Variants in RTL4 observed in about 807,000 individuals in gnomAD.
RTL4 encodes the protein retrotransposon Gag like 4.
Under a neutral mutation model 5.3 loss-of-function variants are expected in RTL4, and 4 were observed. The ratio of observed to expected loss-of-function variants is 0.75; its 90% CI spans 0.37 to 1.72. The LOEUF is 1.72. RTL4 is among the 40% of genes most tolerant of loss of function. The probability of loss-of-function intolerance (pLI) is 0.04; values close to 1 mark genes in which losing one functional copy is unlikely to be tolerated. For missense variants in RTL4, 260 were observed against 227.1 expected (o/e 1.14, Z -0.93); for synonymous variants, 98 against 87.3 (o/e 1.12, Z -0.68).
the RTL4 span, among the ~76,000 whole-genome samples, chrX:112,316,105 C>T: frequency 6.4e-4 from 72 of 111,788 alleles, no homozygotes; most frequent in Non-Finnish European, 1.3e-3. Context: ...TCCAACCCTC[C>T]GCATTATCCA....
the RTL4 span, among the ~76,000 whole-genome samples, chrX:112,443,391 C>T: frequency 2.7e-5 from 3 of 111,749 alleles, no homozygotes; most frequent in African/African-American, 6.5e-5. Context: ...CTACAACAAA[C>T]ATGGGAGTGC....
the RTL4 span, among the ~76,000 whole-genome samples, chrX:112,255,172 T>A: frequency 8.9e-6 from 1 of 112,018 alleles, no homozygotes; most frequent in Non-Finnish European, 1.9e-5. Flanking sequence ...TGATACATAT[T>A]TGAGTAATTT....
upstream of RTL4, among the ~76,000 whole-genome samples, chrX:112,454,128 G>A (rs1220212766): frequency 9.0e-6 from 1 of 111,731 alleles, no homozygotes; most frequent in African/African-American, 3.3e-5. Flanking sequence ...TTTAGAACAG[G>A]GATGTCTAAT....
At chrX:112,363,902 T>C in the RTL4 span, among the ~76,000 whole-genome samples, 1 of 111,023 alleles carries the variant, frequency 9.0e-6, no homozygotes, top group African/African-American at 3.3e-5. Flanking sequence ...GGGAGATTTT[T>C]GGAGGGATGG....
the RTL4 span, among the ~76,000 whole-genome samples, chrX:112,170,018 C>A: frequency 8.9e-6 from 1 of 112,161 alleles, no homozygotes; most frequent in East Asian, 2.8e-4. Context: ...AATAGAGAAT[C>A]CTTTCCCCAT....
chrX:112,214,778 TTTTG>T, the RTL4 span, among the ~76,000 whole-genome samples: 1 of 111,614 alleles, frequency 9.0e-6, no homozygotes, highest in East Asian at 2.8e-4. Flanking sequence ...TTAGTGTTTT[TTTTG>T]TTTGTTTGTT....
chrX:112,239,195 G>T, the RTL4 span, among the ~76,000 whole-genome samples: 11 of 111,456 alleles, frequency 9.9e-5, no homozygotes, highest in East Asian at 2.6e-3. Context: ...ATGTTGGCAG[G>T]GCTGAGCAAG....
At chrX:112,139,461 A>C in the RTL4 span, among the ~76,000 whole-genome samples, 1 of 112,032 alleles carries the variant, frequency 8.9e-6, no homozygotes, top group African/African-American at 3.2e-5. Context: ...TGGAAGATAC[A>C]CTTTGAGGTT....
chrX:112,317,015 T>G, the RTL4 span, among the ~76,000 whole-genome samples: 407 of 112,095 alleles, frequency 3.6e-3, 2 homozygotes, highest in African/African-American at 0.012. Context: ...TTGCACCAAA[T>G]AAAGGTCATT....
At chrX:112,387,975 G>A in the RTL4 span, among the ~76,000 whole-genome samples, 7 of 112,231 alleles carry the variant, frequency 6.2e-5, no homozygotes, top group African/African-American at 2.3e-4. Flanking sequence ...TTAGTAGTTT[G>A]ATAGAAGAGC....
chrX:112,356,364 C>A, the RTL4 span, among the ~76,000 whole-genome samples: 1 of 111,370 alleles, frequency 9.0e-6, no homozygotes, highest in Non-Finnish European at 1.9e-5. Context: ...GCACTTTCCT[C>A]ATCCTTTGCC....
chrX:112,235,012 A>G, the RTL4 span, among the ~76,000 whole-genome samples: 1 of 111,271 alleles, frequency 9.0e-6, no homozygotes, highest in African/African-American at 3.3e-5. Context: ...TTAAGAGCTT[A>G]TGATTCAGAC....
At chrX:112,418,934 T>C in the RTL4 span, among the ~76,000 whole-genome samples, 1 of 108,221 alleles carries the variant, frequency 9.2e-6, no homozygotes. Context: ...TTTCCTCATA[T>C]ATTGAAGGAC....
chrX:112,364,983 G>T, the RTL4 span, among the ~76,000 whole-genome samples: 1 of 111,666 alleles, frequency 9.0e-6, no homozygotes, highest in African/African-American at 3.3e-5. Flanking sequence ...GCAGCTTACA[G>T]TCTGGTGAAG....
chrX:112,391,382 A>G, the RTL4 span, among the ~76,000 whole-genome samples: 1 of 111,265 alleles, frequency 9.0e-6, no homozygotes, highest in Admixed American at 9.6e-5. Flanking sequence ...AGGACATACA[A>G]CATTCTGGCC....
chrX:112,434,477 G>A, the RTL4 span, among the ~76,000 whole-genome samples: 6 of 111,534 alleles, frequency 5.4e-5, no homozygotes, highest in East Asian at 8.5e-4. Context: ...TGTATGTGTC[G>A]AGGAATTTAT....
chrX:112,353,535 G>A, the RTL4 span, among the ~76,000 whole-genome samples: 2 of 110,925 alleles, frequency 1.8e-5, no homozygotes, highest in Non-Finnish European at 3.8e-5. Context: ...CCATTGTAGG[G>A]ACATGGATGA....
At chrX:112,243,970 G>A in the RTL4 span, among the ~76,000 whole-genome samples, 1 of 111,816 alleles carries the variant, frequency 8.9e-6, no homozygotes, top group South Asian at 3.7e-4. Flanking sequence ...AGTCATTCAG[G>A]AGCAGGTTGT....
At chrX:112,191,464 TCC>T in the RTL4 span, among the ~76,000 whole-genome samples, 1 of 111,559 alleles carries the variant, frequency 9.0e-6, no homozygotes, top group East Asian at 2.8e-4. Flanking sequence ...TTTGTTGGCA[TCC>T]TAGGGTATCA....
Sources: allele counts gnomAD v4.1 joint callset (sites outside exome capture counted in the v4.1 genomes callset), GRCh38; gene constraint gnomAD v4.1.1; transcripts MANE v1.5; gene names NCBI Gene and HGNC (gene_info 2026-07-23, HGNC 2026-07-21).